The following PDSS2 variants were observed in gnomAD, a reference collection of about 807,000 sequenced individuals.
PDSS2 encodes all trans-polyprenyl-diphosphate synthase PDSS2.
PDSS2 carries 31 observed loss-of-function variants against 44.5 expected under a neutral mutation model. That is an observed-to-expected ratio of 0.70 (90% CI 0.52 to 0.94). The LOEUF is 0.94. Among genes scored for constraint, PDSS2 ranks in the 40% least tolerant of loss-of-function variants. The pLI is 0.00. For synonymous variants in PDSS2, 157 were observed against 180.3 expected, an observed-to-expected ratio of 0.87 and a Z score of 1.03; for missense variants, 452 against 482.2, an observed-to-expected ratio of 0.94 and a Z score of 0.59.
chr6:107,204,712 C>T (rs1327142512), intron 6 of PDSS2, among the ~76,000 whole-genome samples: 1 of 152,170 alleles, frequency 6.6e-6, no homozygotes, highest in Non-Finnish European at 1.5e-5. Flanking sequence ...TCCAACTGAA[C>T]ATCAATTGTC....
intron 1 of PDSS2, among the ~76,000 whole-genome samples, chr6:107,411,876 CTTCTT>C (rs1399437872): frequency 1.3e-3 from 136 of 108,676 alleles, no homozygotes; most frequent in African/African-American, 4.5e-3. Context: ...ACTTCTTCTT[CTTCTT>C]TTTTTTTTTT....
At chr6:107,397,893 A>G (rs936432943) in intron 1 of PDSS2, among the ~76,000 whole-genome samples, 8 of 152,208 alleles carry the variant, frequency 5.3e-5, no homozygotes, top group African/African-American at 1.9e-4. Context: ...ATAAAATAAA[A>G]CGTCAATGTT....
chr6:107,347,679 C>A (rs1778297140), intron 1 of PDSS2, among the ~76,000 whole-genome samples: 1 of 152,082 alleles, frequency 6.6e-6, no homozygotes, highest in African/African-American at 2.4e-5. Flanking sequence ...TGAGAAATAG[C>A]TGACTGAATG....
intron 1 of PDSS2, among the ~76,000 whole-genome samples, chr6:107,341,205 A>G (rs1778067993): frequency 6.6e-6 from 1 of 152,092 alleles, no homozygotes; most frequent in South Asian, 2.1e-4. Flanking sequence ...AAGCTGAATG[A>G]TGGCAGTAGC....
intron 1 of PDSS2, among the ~76,000 whole-genome samples, chr6:107,364,656 G>C (rs906229841): frequency 1.6e-4 from 24 of 152,164 alleles, no homozygotes; most frequent in African/African-American, 5.5e-4. Flanking sequence ...CTGAGGGAGT[G>C]GGCTCCAGCC....
intron 1 of PDSS2, among the ~76,000 whole-genome samples, chr6:107,388,393 C>G (rs115944943): frequency 2.0e-5 from 3 of 151,608 alleles, no homozygotes; most frequent in Non-Finnish European, 4.4e-5. Flanking sequence ...CATGCTCCTA[C>G]GTATTTATTC....
intron 4 of PDSS2, among the ~76,000 whole-genome samples, chr6:107,226,261 G>A (rs187164079): frequency 1.3e-5 from 2 of 152,250 alleles, no homozygotes; most frequent in Admixed American, 6.5e-5. Flanking sequence ...GCAGTGAGCC[G>A]AGATTGCGCC....
chr6:107,411,797 A>G (rs1277530296), intron 1 of PDSS2, among the ~76,000 whole-genome samples: 3 of 151,312 alleles, frequency 2.0e-5, no homozygotes, highest in Non-Finnish European at 4.4e-5. Flanking sequence ...TTGAGCATCT[A>G]TGGATGTTAG....
At position 107,264,534 on chromosome 6, in the gene PDSS2, G is replaced by A. The variant is rs371364966; in HGVS notation, c.630+9495C>T. 42 of 1,378,838 alleles carry A rather than the reference G, an allele frequency of 3.0e-5. No homozygotes were observed. In the East Asian group the frequency reaches 5.5e-4, roughly 18 times the overall value. 85.4% of individuals were successfully genotyped at this position (1,378,838 alleles called of 1,614,324 possible). On this transcript the variant is annotated intron_variant, in intron 3 of 7. Transcript: ENST00000369037. ...ATGACTACAAAGAAAAAAAAATAACGTGATAAATTCCATTCTTTAAATACT... is the reference window on the plus strand; with the variant it reads ...ATGACTACAAAGAAAAAAAAATAACATGATAAATTCCATTCTTTAAATACT...
At chr6:107,290,213 T>G (rs2115017361) in intron 2 of PDSS2, among the ~76,000 whole-genome samples, 1 of 152,308 alleles carries the variant, frequency 6.6e-6, no homozygotes, top group African/African-American at 2.4e-5. Flanking sequence ...TTTCTAATAA[T>G]TTAGGAGTGA....
intron 7 of PDSS2, among the ~76,000 whole-genome samples, chr6:107,193,401 T>C (rs950933825): frequency 4.6e-5 from 7 of 152,214 alleles, no homozygotes; most frequent in Non-Finnish European, 8.8e-5. Context: ...ACTTATTATC[T>C]GATGGCCCTA....
At chr6:107,226,306 C>A (rs1038202686) in intron 4 of PDSS2, among the ~76,000 whole-genome samples, 1 of 151,648 alleles carries the variant, frequency 6.6e-6, no homozygotes, top group African/African-American at 2.4e-5. Flanking sequence ...AGCGAGACTC[C>A]GTCTCAAAAA....
At chr6:107,449,640 G>A (rs1013085301) in intron 1 of PDSS2, among the ~76,000 whole-genome samples, 1 of 152,060 alleles carries the variant, frequency 6.6e-6, no homozygotes, top group Admixed American at 6.5e-5. Flanking sequence ...ATTATGACAC[G>A]TGTGCAACCT....
intron 1 of PDSS2, among the ~76,000 whole-genome samples, chr6:107,376,553 GCTCT>G (rs1241968745): frequency 6.6e-6 from 1 of 152,066 alleles, no homozygotes; most frequent in Non-Finnish European, 1.5e-5. Context: ...TCATGATTTG[GCTCT>G]CTGTCTGTTA....
intron 1 of PDSS2, among the ~76,000 whole-genome samples, chr6:107,340,852 C>G (rs184192180): frequency 2.8e-4 from 43 of 152,260 alleles, no homozygotes; most frequent in African/African-American, 1.0e-3. Flanking sequence ...AGAACCAGTT[C>G]AGGAGCTGTG....
intron 1 of PDSS2, among the ~76,000 whole-genome samples, chr6:107,440,818 G>A (rs977915533): frequency 6.6e-6 from 1 of 152,200 alleles, no homozygotes; most frequent in Non-Finnish European, 1.5e-5. Context: ...ATGCTCTGGA[G>A]TGCATAATAA....
chr6:107,398,497 G>C (rs1416348918), intron 1 of PDSS2, among the ~76,000 whole-genome samples: 1 of 152,092 alleles, frequency 6.6e-6, no homozygotes, highest in Non-Finnish European at 1.5e-5. Flanking sequence ...AGCCACAAAA[G>C]CAAAATATCC....
chr6:107,447,144 T>G (rs977352050), intron 1 of PDSS2, among the ~76,000 whole-genome samples: 5 of 151,896 alleles, frequency 3.3e-5, no homozygotes, highest in African/African-American at 1.2e-4. Context: ...CCATCCTGGC[T>G]AACACGGTGA....
At chr6:107,252,162 G>A (rs538819905) in intron 3 of PDSS2, among the ~76,000 whole-genome samples, 14 of 152,242 alleles carry the variant, frequency 9.2e-5, no homozygotes, top group Non-Finnish European at 1.3e-4. Context: ...CTACCCAGAT[G>A]AGCCCTACTC....
Sources: allele counts gnomAD v4.1 joint callset (sites outside exome capture counted in the v4.1 genomes callset), GRCh38; gene constraint gnomAD v4.1.1; transcripts MANE v1.5; gene names NCBI Gene and HGNC (gene_info 2026-07-23, HGNC 2026-07-21).